The following GRIK1 variants were observed in gnomAD, a reference collection of about 807,000 sequenced individuals.
The protein encoded by GRIK1 is glutamate receptor ionotropic, kainate 1.
GRIK1 carries 69 observed loss-of-function variants against 105.7 expected under a neutral mutation model. That is an observed-to-expected ratio of 0.65 (90% confidence interval 0.54 to 0.80). The LOEUF is 0.80. Ranked by LOEUF, GRIK1 falls within the 30% of genes least tolerant of loss-of-function variation. The pLI is 0.00. For missense variants in GRIK1, 1,109 were observed against 1,167.3 expected (o/e 0.95, Z 0.73); for synonymous variants, 438 against 431.3 (o/e 1.02, Z -0.19).
intron 4 of GRIK1, among the ~76,000 whole-genome samples, chr21:29,659,074 T>C (rs889878747): frequency 1.3e-5 from 2 of 152,226 alleles, no homozygotes; most frequent in African/African-American, 4.8e-5. Context: ...GGCATACATT[T>C]TTCATGTGCT....
chr21:29,763,731 C>T (rs1042682954), intron 1 of GRIK1: 2 of 152,230 alleles, frequency 1.3e-5, no homozygotes, highest in African/African-American at 4.8e-5. Flanking sequence ...GCATGCTGGG[C>T]TCCAGCCTCC....
At position 29,822,215 on chromosome 21, in the gene GRIK1, A is replaced by T. The variant is rs995287758; in HGVS notation, c.118+117168T>A. Among the ~76,000 whole-genome samples the T allele has an allele frequency of 1.4e-4, 22 of 152,172 alleles. 1 individual carries two copies. In the South Asian group the frequency reaches 2.3e-3, roughly 16 times the overall value. ...AACCATTCCACTCTGCAATAGTGCTAAGGCAACCATAGACAATATGTAAAC... is the reference window on the plus strand; with the variant it reads ...AACCATTCCACTCTGCAATAGTGCTTAGGCAACCATAGACAATATGTAAAC... On this transcript the variant is annotated intron_variant, in intron 1 of 17. Transcript: ENST00000327783.
chr21:29,692,674 C>G (rs2146726400), intron 2 of GRIK1, among the ~76,000 whole-genome samples: 1 of 152,278 alleles, frequency 6.6e-6, no homozygotes, highest in East Asian at 1.9e-4. Flanking sequence ...CCCGGGTTCA[C>G]ACTATTCTCC....
chr21:29,718,311 G>C (rs1458206544), intron 1 of GRIK1, among the ~76,000 whole-genome samples: 1 of 152,150 alleles, frequency 6.6e-6, no homozygotes, highest in Non-Finnish European at 1.5e-5. Context: ...TAAGAGTCTG[G>C]ATTGGAATTG....
chr21:29,693,271 A>G (rs1000474749), intron 2 of GRIK1, among the ~76,000 whole-genome samples: 9 of 152,338 alleles, frequency 5.9e-5, no homozygotes, highest in African/African-American at 1.9e-4. Flanking sequence ...CAAGCCCCAC[A>G]ATTCCGAATG....
chr21:29,573,318 C>T (rs2090801184), intron 14 of GRIK1, among the ~76,000 whole-genome samples: 1 of 152,182 alleles, frequency 6.6e-6, no homozygotes, highest in Non-Finnish European at 1.5e-5. Flanking sequence ...GTGAACATAG[C>T]ATGTACCTGT....
At chr21:29,900,973 G>A (rs2070385017) in intron 1 of GRIK1, among the ~76,000 whole-genome samples, 2 of 152,144 alleles carry the variant, frequency 1.3e-5, no homozygotes, top group Non-Finnish European at 2.9e-5. Flanking sequence ...TAGAACTCAG[G>A]ATTAAGAAAC....
chr21:29,794,984 C>G (rs1242656055), intron 1 of GRIK1, among the ~76,000 whole-genome samples: 1 of 149,416 alleles, frequency 6.7e-6, no homozygotes, highest in Admixed American at 6.7e-5. Flanking sequence ...GTCACCCTGG[C>G]TGTCACTCAG....
At chr21:29,883,587 A>G (rs191970913) in intron 1 of GRIK1, among the ~76,000 whole-genome samples, 74 of 152,158 alleles carry the variant, frequency 4.9e-4, no homozygotes, top group African/African-American at 1.7e-3. Context: ...TAGACCTTCC[A>G]AATCAGGATC....
chr21:29,794,712 G>A (rs1164567749), intron 1 of GRIK1, among the ~76,000 whole-genome samples: 1 of 152,088 alleles, frequency 6.6e-6, no homozygotes, highest in African/African-American at 2.4e-5. Context: ...TTGGGCTTTT[G>A]TGTTATTGTA....
intron 1 of GRIK1, among the ~76,000 whole-genome samples, chr21:29,860,449 A>T (rs1228533886): frequency 1.3e-5 from 2 of 152,194 alleles, no homozygotes; most frequent in Non-Finnish European, 2.9e-5. Context: ...TGCCTCTCTC[A>T]CCAGCTCTGT....
At chr21:29,912,476 C>CA (rs1453368805) in intron 1 of GRIK1, among the ~76,000 whole-genome samples, 11 of 152,000 alleles carry the variant, frequency 7.2e-5, no homozygotes, top group South Asian at 2.1e-4. Flanking sequence ...CACTCCTAAC[C>CA]AAAAATCGGC....
rs1039802880 is a variant in GRIK1 at position 29,678,611 on chromosome 21, G to A, written c.545-5447C>T. ...AGGTTCTGGTCAAAGAACCGAGGTGGGAGATATGAAGGGTAGAAAAAAGTG... is the reference window on the plus strand; with the variant it reads ...AGGTTCTGGTCAAAGAACCGAGGTGAGAGATATGAAGGGTAGAAAAAAGTG... On this transcript the variant is annotated intron_variant, in intron 3 of 17. Transcript: ENST00000327783. Among the ~76,000 whole-genome samples the A allele has an allele frequency of 3.9e-5, 6 of 152,154 alleles. No individual in the cohort carries two copies. In the South Asian group the frequency reaches 6.2e-4, roughly 16 times the overall value.
intron 1 of GRIK1, among the ~76,000 whole-genome samples, chr21:29,865,350 G>A (rs961983825): frequency 4.6e-5 from 7 of 152,050 alleles, no homozygotes; most frequent in African/African-American, 9.7e-5. Flanking sequence ...TATTCATTTA[G>A]CATTCTATAT....
chr21:29,767,694 C>T (rs1346557223), intron 1 of GRIK1, among the ~76,000 whole-genome samples: 1 of 152,184 alleles, frequency 6.6e-6, no homozygotes, highest in Non-Finnish European at 1.5e-5. Context: ...TGTGCTTCAA[C>T]TTTTAATCTG....
chr21:29,709,980 A>G (rs2064005740), intron 1 of GRIK1, among the ~76,000 whole-genome samples: 1 of 151,974 alleles, frequency 6.6e-6, no homozygotes, highest in African/African-American at 2.4e-5. Flanking sequence ...TAATTTAAAT[A>G]GAAAAGCCTG....
chr21:29,574,712 G>C (rs1482463069), intron 14 of GRIK1, among the ~76,000 whole-genome samples: 1 of 134,464 alleles, frequency 7.4e-6, no homozygotes, highest in East Asian at 2.1e-4. Flanking sequence ...TTTTGAGACG[G>C]AGTCTCGCTC....
chr21:29,614,307 A>G (rs1390193489), intron 7 of GRIK1, among the ~76,000 whole-genome samples: 1 of 152,138 alleles, frequency 6.6e-6, no homozygotes, highest in East Asian at 1.9e-4. Flanking sequence ...CATGGCAACA[A>G]TAAACAGTAG....
chr21:29,831,199 T>C (rs564756086), intron 1 of GRIK1, among the ~76,000 whole-genome samples: 1 of 151,856 alleles, frequency 6.6e-6, no homozygotes, highest in East Asian at 1.9e-4. Flanking sequence ...AAATAAGGAG[T>C]GAGAAAAGGC....
Sources: gnomAD v4.1 joint callset for allele counts (sites outside exome capture counted in the v4.1 genomes callset) on GRCh38, gnomAD v4.1.1 for gene constraint, MANE v1.5 for transcripts, NCBI Gene and HGNC (gene_info 2026-07-23, HGNC 2026-07-21) for gene names.